The following ZFHX3 variants were observed in gnomAD, a reference collection of about 807,000 sequenced individuals.
The protein encoded by ZFHX3 is zinc finger homeobox 3.
Under a neutral mutation model 279.1 loss-of-function variants are expected in ZFHX3, and 42 were observed. That is an observed-to-expected ratio of 0.15 (90% confidence interval 0.12 to 0.19). The LOEUF is 0.19. Among genes scored for constraint, ZFHX3 ranks in the 10% least tolerant of loss-of-function variants. The pLI, the probability that ZFHX3 is intolerant of heterozygous loss-of-function variation, is 1.00. For missense variants in ZFHX3, 4,981 were observed against 4,754.0 expected, an observed-to-expected ratio of 1.05 and a Z score of -1.40; for synonymous variants, 2,293 against 1,957.8, an observed-to-expected ratio of 1.17 and a Z score of -4.52.
intron 1 of ZFHX3, among the ~76,000 whole-genome samples, chr16:73,886,627 G>A (rs1055613883): frequency 4.6e-5 from 7 of 152,166 alleles, no homozygotes; most frequent in South Asian, 2.1e-4. Flanking sequence ...ACAAATGTGC[G>A]TGTGAGCGAC....
chr16:73,678,025 G>A (rs374481169), intron 2 of ZFHX3, among the ~76,000 whole-genome samples: 4 of 151,664 alleles, frequency 2.6e-5, no homozygotes, highest in African/African-American at 9.7e-5. Context: ...AACCCAACAG[G>A]GAAAAACAAA....
chr16:73,367,262 G>A (rs2143329794), intron 3 of ZFHX3, among the ~76,000 whole-genome samples: 1 of 152,274 alleles, frequency 6.6e-6, no homozygotes, highest in South Asian at 2.1e-4. Flanking sequence ...GGTACTCAAG[G>A]CAGAAAGAGA....
At position 72,950,674 on chromosome 16, in the gene ZFHX3, T is replaced by C. The variant is rs1960945795; in HGVS notation, c.3011A>G (p.Lys1004Arg). Reference protein sequence around the residue: ...QLKANFQLHCKTDKHVQKYQL... With the variant: ...QLKANFQLHCRTDKHVQKYQL... Reference sequence around the variant, plus strand: ...GTACTTCTGCACGTGCTTGTCTGTCTTGCAGTGCAGCTGGAAGTTGGCCTT... The same window carrying C: ...GTACTTCTGCACGTGCTTGTCTGTCCTGCAGTGCAGCTGGAAGTTGGCCTT... Residue 1004 changes from lysine (K) to arginine (R), a missense_variant, in exon 3 of 10, where the codon AAG becomes AGG. Physicochemically the swap from Lys to Arg is conservative, Grantham distance 26 (BLOSUM62 2). Coordinates refer to ENST00000268489, the MANE Select transcript of ZFHX3 (RefSeq NM_006885.4). The C allele has an allele frequency of 6.2e-7, 1 of 1,614,114 alleles. No homozygotes were observed. The highest frequency in any genetic ancestry group is 1.7e-5 in the Admixed American group (1 of 60,010).
intron 1 of ZFHX3, among the ~76,000 whole-genome samples, chr16:73,782,385 C>G (rs1597113176): frequency 6.6e-6 from 1 of 152,152 alleles, no homozygotes; most frequent in Non-Finnish European, 1.5e-5. Context: ...ATAACACATG[C>G]AAAATTTTAC....
At chr16:72,989,926 G>C (rs905527117) in intron 1 of ZFHX3, among the ~76,000 whole-genome samples, 3 of 152,222 alleles carry the variant, frequency 2.0e-5, no homozygotes, top group Non-Finnish European at 4.4e-5. Flanking sequence ...GCACAGGCCT[G>C]GGGCTCCTCT....
At chr16:73,629,206 T>G (rs1313483093) in intron 2 of ZFHX3, among the ~76,000 whole-genome samples, 1 of 152,164 alleles carries the variant, frequency 6.6e-6, no homozygotes, top group South Asian at 2.1e-4. Context: ...CTCAGAGAAG[T>G]GTAATCCATC....
At chr16:73,197,863 T>C (rs181905616) in intron 5 of ZFHX3, among the ~76,000 whole-genome samples, 1 of 151,076 alleles carries the variant, frequency 6.6e-6, no homozygotes, top group Non-Finnish European at 1.5e-5. Flanking sequence ...CTTGTCAGTG[T>C]TCCAAATGTA....
Position 73,401,785 on chromosome 16 carries a change from T to C in ZFHX3, c.-1291+54218A>G, listed in dbSNP as rs1189453562. The C allele has an allele frequency of 2.0e-5, 3 of 152,218 alleles. 1 individual carries two copies. Among genetic ancestry groups the C allele is most frequent in the Admixed American group, 1.3e-4 (2 of 15,282 alleles). The allele number at this position is 152,218 out of a possible 1,614,324, so 9.4% of individuals were successfully genotyped here. A position where few individuals can be genotyped will look rare whatever the true frequency, so the allele number is the denominator to read the frequency against. On this transcript the variant is annotated intron_variant, in intron 3 of 17. Coordinates refer to the ZFHX3 transcript ENST00000641206. Reference sequence around the variant, plus strand: ...AACACCTATCATTCTGCATAGATAATTGGGTAATTGTTCCTCATGCCAGAG... The same window carrying C: ...AACACCTATCATTCTGCATAGATAACTGGGTAATTGTTCCTCATGCCAGAG...
chr16:72,825,977 C>T (rs1171413869), intron 5 of ZFHX3, among the ~76,000 whole-genome samples: 1 of 152,126 alleles, frequency 6.6e-6, no homozygotes, highest in Non-Finnish European at 1.5e-5. Flanking sequence ...CTTACGACTA[C>T]GGGCGTTCCT....
intron 2 of ZFHX3, among the ~76,000 whole-genome samples, chr16:73,537,898 A>G (rs1056095560): frequency 2.0e-5 from 3 of 152,256 alleles, no homozygotes; most frequent in Admixed American, 6.5e-5. Context: ...GTATCTTGGA[A>G]TTCGACTTAT....
chr16:73,559,143 G>T (rs2020332598), intron 2 of ZFHX3, among the ~76,000 whole-genome samples: 2 of 151,484 alleles, frequency 1.3e-5, no homozygotes, highest in Non-Finnish European at 2.9e-5. Flanking sequence ...GAACTCCGGG[G>T]CTCAAGCTAT....
intron 2 of ZFHX3, chr16:73,680,105 G>A (rs575357183): frequency 1.7e-4 from 26 of 152,136 alleles, no homozygotes; most frequent in African/African-American, 6.0e-4. Context: ...TAACTACATC[G>A]AATGAAACAG....
intron 4 of ZFHX3, among the ~76,000 whole-genome samples, chr16:72,876,444 T>C (rs999719467): frequency 1.3e-5 from 2 of 152,110 alleles, no homozygotes; most frequent in Non-Finnish European, 2.9e-5. Flanking sequence ...AGTCACCGCC[T>C]TCCCCAGTCG....
intron 3 of ZFHX3, among the ~76,000 whole-genome samples, chr16:72,947,393 G>A (rs191687751): frequency 1.7e-3 from 265 of 152,266 alleles, no homozygotes; most frequent in African/African-American, 6.2e-3. Flanking sequence ...ATTATCTCAC[G>A]CTTTCAGAAA....
At position 72,788,083 on chromosome 16, in the gene ZFHX3, GCTTTGGGCTGCTGCTGCTGCA is replaced by G; in HGVS notation, c.10172_10192del (p.Val3391_Lys3397del). 1.2e-6 allele frequency: 2 copies of G among 1,611,976 alleles called. No individual in the cohort carries two copies. Among genetic ancestry groups the G allele is most frequent in the South Asian group, 1.1e-5 (1 of 91,064 alleles). On this transcript the variant is annotated inframe_deletion, in exon 10 of 10. Transcript: ENST00000268489. ...CCCGGGGGGGACTGGGGTTTGGCTT[GCTTTGGGCTGCTGCTGCTGCA>G]CTTTTTGCTGCTGCTGCTGCTGTAG...
At chr16:73,242,343 C>T (rs1453384852) in intron 5 of ZFHX3, among the ~76,000 whole-genome samples, 1 of 152,166 alleles carries the variant, frequency 6.6e-6, no homozygotes, top group Non-Finnish European at 1.5e-5. Flanking sequence ...CAACTATGAA[C>T]TGTCTGCCAC....
At chr16:73,872,393 CTTA>C (rs201419445) in intron 1 of ZFHX3, among the ~76,000 whole-genome samples, 1 of 151,922 alleles carries the variant, frequency 6.6e-6, no homozygotes, top group Non-Finnish European at 1.5e-5. Flanking sequence ...GCCCAGTTAA[CTTA>C]TTATTATTAT....
At position 73,337,899 on chromosome 16, in the gene ZFHX3, G is replaced by GA. The variant is rs1555510881; in HGVS notation, c.-1290-19564_-1290-19563insT. 2.4e-4 allele frequency among the ~76,000 whole-genome samples: 34 copies of GA among 140,484 alleles called. 4 individuals are homozygous for GA. Among genetic ancestry groups the GA allele is most frequent in the Non-Finnish European group, 4.1e-4 (26 of 63,646 alleles). The allele number at this position is 140,484 out of a possible 152,430, so 92.2% of individuals were successfully genotyped here. The stretch of plus-strand genomic sequence containing the variant: ...GTCTTCATCTTCCCTTGGCGGGGGG[G>GA]GGGGTCCTCATCCCCTTTTTATGCC... On this transcript the variant is annotated intron_variant, in intron 3 of 17. Coordinates refer to the ZFHX3 transcript ENST00000641206.
intron 2 of ZFHX3, among the ~76,000 whole-genome samples, chr16:73,503,658 C>T (rs1039775039): frequency 2.6e-5 from 4 of 152,154 alleles, no homozygotes; most frequent in Admixed American, 6.5e-5. Context: ...GGAAAGAACG[C>T]AGGATGGCCC....
Sources: allele counts gnomAD v4.1 joint callset (sites outside exome capture counted in the v4.1 genomes callset), GRCh38; gene constraint gnomAD v4.1.1; transcripts MANE v1.5; gene names NCBI Gene and HGNC (gene_info 2026-07-23, HGNC 2026-07-21).